The following GRIK2 variants were observed in gnomAD, a reference collection of about 807,000 sequenced individuals.
The protein encoded by GRIK2 is glutamate receptor ionotropic, kainate 2.
GRIK2 carries 32 observed loss-of-function variants against 100.3 expected under a neutral mutation model. That is an observed-to-expected ratio of 0.32 (90% CI 0.24 to 0.43). The LOEUF (loss-of-function observed/expected upper bound fraction) is 0.43. Ranked by LOEUF, GRIK2 falls within the 20% of genes least tolerant of loss-of-function variation. GRIK2 has a pLI of 1.00. For synonymous variants in GRIK2, 417 were observed against 389.4 expected (o/e 1.07, Z -0.83); for missense variants, 843 against 1,114.9 (o/e 0.76, Z 3.47).
chr6:101,557,028 A>G (rs1413969531), intron 2 of GRIK2, among the ~76,000 whole-genome samples: 2 of 152,024 alleles, frequency 1.3e-5, no homozygotes, highest in Admixed American at 1.3e-4. Context: ...TTTAAAAAAA[A>G]ACTCTCTTTT....
chr6:101,472,201 TG>T (rs1417348675), intron 2 of GRIK2, among the ~76,000 whole-genome samples: 1 of 151,936 alleles, frequency 6.6e-6, no homozygotes, highest in Non-Finnish European at 1.5e-5. Context: ...CTGCATTTTT[TG>T]TAAAGCTTCT....
At chr6:101,659,310 A>T (rs999265638) in intron 4 of GRIK2, among the ~76,000 whole-genome samples, 2 of 152,030 alleles carry the variant, frequency 1.3e-5, no homozygotes, top group African/African-American at 2.4e-5. Flanking sequence ...GTTTGTCCAG[A>T]TAGTTGCTTG....
intron 14 of GRIK2, among the ~76,000 whole-genome samples, chr6:102,022,140 A>T (rs1199014992): frequency 1.2e-5 from 1 of 85,938 alleles, no homozygotes; most frequent in Non-Finnish European, 2.1e-5. Context: ...TATAACACAC[A>T]CATACACACA....
chr6:102,045,930 G>A (rs1027531268), intron 15 of GRIK2, among the ~76,000 whole-genome samples: 2 of 151,960 alleles, frequency 1.3e-5, no homozygotes, highest in Admixed American at 1.3e-4. Context: ...TTTTTAAAAA[G>A]ATCAAATTAC....
intron 7 of GRIK2, among the ~76,000 whole-genome samples, chr6:101,706,923 A>G (rs1047432855): frequency 3.3e-5 from 5 of 151,874 alleles, no homozygotes; most frequent in African/African-American, 9.7e-5. Flanking sequence ...GCTTCTTCAT[A>G]GTCATCAAAT....
intron 2 of GRIK2, among the ~76,000 whole-genome samples, chr6:101,437,410 G>A (rs909828215): frequency 3.3e-5 from 5 of 152,026 alleles, no homozygotes; most frequent in African/African-American, 4.8e-5. Flanking sequence ...TGCCAACAAC[G>A]GTGTGAATTA....
intron 10 of GRIK2, among the ~76,000 whole-genome samples, chr6:101,843,333 C>T (rs1783623928): frequency 6.6e-6 from 1 of 152,042 alleles, no homozygotes; most frequent in African/African-American, 2.4e-5. Flanking sequence ...GTCCTTGTAT[C>T]CCCCTGTCTT....
chr6:101,405,528 A>T (rs922039280), intron 2 of GRIK2, among the ~76,000 whole-genome samples: 1 of 152,148 alleles, frequency 6.6e-6, no homozygotes, highest in East Asian at 1.9e-4. Context: ...GCTTGTCAGT[A>T]GTAGAGAAAC....
chr6:102,018,143 A>G (rs977069805), intron 14 of GRIK2, among the ~76,000 whole-genome samples: 1 of 152,078 alleles, frequency 6.6e-6, no homozygotes. Flanking sequence ...TAGGCTATTA[A>G]TAATGTAGTG....
chr6:101,956,204 C>A lies in GRIK2; in HGVS notation c.2085+27572C>A, dbSNP rs112773236. 5.3e-3 allele frequency among the ~76,000 whole-genome samples: 810 copies of A among 152,050 alleles called. 11 individuals carry two copies. The highest frequency in any genetic ancestry group is 0.019 in the African/African-American group (780 of 41,474). On this transcript the variant is annotated intron_variant, in intron 14 of 16. Transcript: ENST00000369134. The stretch of plus-strand genomic sequence containing the variant: ...AATCTATTTCTTTCTGTTATTAATT[C>A]TTTGTTTTTACCCTTTGGCCTAAGC...
chr6:101,744,521 CGCAT>C (rs1776264063), intron 7 of GRIK2: 1 of 64,336 alleles, frequency 1.6e-5, no homozygotes, highest in African/African-American at 7.0e-5. Flanking sequence ...TGTGCGTGCG[CGCAT>C]ATATATATAT....
intron 12 of GRIK2, among the ~76,000 whole-genome samples, chr6:101,920,887 T>C (rs1789451427): frequency 6.6e-6 from 1 of 151,904 alleles, no homozygotes; most frequent in African/African-American, 2.4e-5. Flanking sequence ...TTAAAGATTT[T>C]TAAAATAGAG....
At position 101,703,524 on chromosome 6, in the gene GRIK2, C is replaced by G. The variant is rs1200529198; in HGVS notation, c.951+17171C>G. Among the ~76,000 whole-genome samples the G allele has an allele frequency of 2.0e-5, 3 of 151,478 alleles. No homozygotes were observed. In the Admixed American group the frequency reaches 2.0e-4, roughly 10 times the overall value. On this transcript the variant is annotated intron_variant, in intron 7 of 16. Transcript: ENST00000369134. ...TATTGTCTGCTTGGAATGTTGGGGA[C>G]AAAAGCTAAGCTGGACTGTATTGAG... is the stretch of plus-strand genomic sequence containing the variant.
chr6:101,431,004 C>T (rs1769352655), intron 2 of GRIK2: 1 of 260,486 alleles, frequency 3.8e-6, no homozygotes, highest in Non-Finnish European at 8.2e-6. Context: ...GAGTCCATGA[C>T]AATACTAGTA....
intron 11 of GRIK2, among the ~76,000 whole-genome samples, chr6:101,883,743 G>A (rs1786425892): frequency 6.6e-6 from 1 of 152,066 alleles, no homozygotes; most frequent in African/African-American, 2.4e-5. Context: ...TCCAGGGAGA[G>A]GGAATAGCAA....
rs1771601233 is a variant in GRIK2 at position 102,058,842 on chromosome 6, ATG to A, written c.2562+3264_2562+3265del. Among the ~76,000 whole-genome samples the A allele has an allele frequency of 4.6e-5, 7 of 151,602 alleles. No individual in the cohort carries two copies. In the South Asian group the frequency reaches 1.5e-3, roughly 31 times the overall value. On this transcript the variant is annotated intron_variant, in intron 16 of 16. Coordinates refer to ENST00000369134, the MANE Select transcript of GRIK2 (RefSeq NM_021956.5). The stretch of plus-strand genomic sequence containing the variant: ...TTTTGCCCATTGAAGGAAAGCACGA[ATG>A]TATTGGTGACTAAATAGTTTGTCAG...
intron 7 of GRIK2, among the ~76,000 whole-genome samples, chr6:101,740,522 A>G (rs1017808934): frequency 6.6e-6 from 1 of 152,212 alleles, no homozygotes. Flanking sequence ...AGCTATGTTC[A>G]GAACGTAACT....
chr6:101,429,308 G>A (rs9399719), intron 2 of GRIK2, among the ~76,000 whole-genome samples: 7,124 of 152,272 alleles, frequency 0.047, 408 homozygotes, highest in East Asian at 0.3. Context: ...CATAGGACTA[G>A]GAGACATGAT....
rs141426024 is a variant in GRIK2 at position 102,069,295 on chromosome 6, AAATAATAATAATAATAATAAT to A, written c.*808_*828del. On this transcript the variant is annotated 3_prime_UTR_variant, in exon 17 of 17. Transcript: ENST00000369134. ...ACCTTTTCTCTAACCCCCATATCCC[AAATAATAATAATAATAATAAT>A]AATAATAATAATAATAATAATAAAA... is the stretch of plus-strand genomic sequence containing the variant. The A allele has an allele frequency of 2.2e-5, 3 of 139,508 alleles. No homozygotes were observed. Among genetic ancestry groups the A allele is most frequent in the Non-Finnish European group, 3.1e-5 (2 of 64,882 alleles). 8.6% of individuals were successfully genotyped at this position (139,508 alleles called of 1,614,324 possible).
Sources: gnomAD v4.1 joint callset for allele counts (sites outside exome capture counted in the v4.1 genomes callset) on GRCh38, gnomAD v4.1.1 for gene constraint, MANE v1.5 for transcripts, NCBI Gene and HGNC (gene_info 2026-07-23, HGNC 2026-07-21) for gene names.